ZFPM2: variants seen among roughly 807,000 people sequenced by gnomAD.
ZFPM2 encodes zinc finger protein ZFPM2.
Under a neutral mutation model 98.6 loss-of-function variants are expected in ZFPM2, and 20 were observed. The observed-to-expected ratio is 0.20, with a 90% CI of 0.14 to 0.29. The LOEUF is 0.29. Ranked by LOEUF, ZFPM2 falls within the 10% of genes least tolerant of loss-of-function variation. The pLI, the probability that ZFPM2 is intolerant of heterozygous loss-of-function variation, is 1.00. For synonymous variants in ZFPM2, 518 were observed against 502.7 expected, an observed-to-expected ratio of 1.03 and a Z score of -0.41; for missense variants, 1,310 against 1,388.6, an observed-to-expected ratio of 0.94 and a Z score of 0.90.
intron 3 of ZFPM2, among the ~76,000 whole-genome samples, chr8:105,465,771 G>A (rs1370877539): frequency 1.3e-5 from 2 of 151,942 alleles, no homozygotes; most frequent in African/African-American, 2.4e-5. Flanking sequence ...GATTTAAGAT[G>A]TATGGGATTA....
intron 5 of ZFPM2, among the ~76,000 whole-genome samples, chr8:105,711,087 C>G (rs1001159789): frequency 4.0e-5 from 6 of 151,830 alleles, no homozygotes; most frequent in African/African-American, 1.5e-4. Context: ...AGGTAGGTGT[C>G]AGCAAACTAT....
At chr8:105,612,912 C>T (rs867581176) in intron 4 of ZFPM2, among the ~76,000 whole-genome samples, 8 of 152,240 alleles carry the variant, frequency 5.3e-5, no homozygotes, top group South Asian at 2.1e-4. Flanking sequence ...ATTTTCCTGG[C>T]TTCTAATTCG....
chr8:105,736,979 G>T (rs547201985), intron 5 of ZFPM2, among the ~76,000 whole-genome samples: 2 of 152,020 alleles, frequency 1.3e-5, no homozygotes, highest in East Asian at 2.0e-4. Context: ...TTATTTTAAA[G>T]ATTTTTTTTC....
intron 3 of ZFPM2, among the ~76,000 whole-genome samples, chr8:105,513,018 A>G (rs2130514584): frequency 6.6e-6 from 1 of 152,238 alleles, no homozygotes; most frequent in African/African-American, 2.4e-5. Flanking sequence ...TTTAAGTGTT[A>G]ACTCTACATG....
At chr8:105,679,011 A>G (rs1466643588) in intron 5 of ZFPM2, 1 of 152,196 alleles carries the variant, frequency 6.6e-6, no homozygotes, top group Non-Finnish European at 1.5e-5. Context: ...GACCTTAAAC[A>G]AATAAAAAAC....
chr8:105,758,319 T>A (rs906382495), intron 5 of ZFPM2, among the ~76,000 whole-genome samples: 1 of 152,106 alleles, frequency 6.6e-6, no homozygotes, highest in African/African-American at 2.4e-5. Context: ...TTGGAGAATC[T>A]TGCCTATCCA....
intron 1 of ZFPM2, chr8:105,319,655 A>T (rs1811981856): frequency 6.6e-6 from 1 of 152,336 alleles, no homozygotes; most frequent in African/African-American, 2.4e-5. Context: ...TCACGCCGCC[A>T]GGACGCTCAG....
At chr8:105,534,196 C>T in intron 3 of ZFPM2, among the ~76,000 whole-genome samples, 1 of 87,062 alleles carries the variant, frequency 1.1e-5, no homozygotes, top group African/African-American at 5.1e-5. Flanking sequence ...TCCCTTCCTC[C>T]CTCCCTCCCT....
intron 3 of ZFPM2, among the ~76,000 whole-genome samples, chr8:105,533,721 C>T (rs1387157760): frequency 6.5e-5 from 7 of 108,430 alleles, no homozygotes; most frequent in Non-Finnish European, 1.4e-4. Flanking sequence ...TTACTTTCTC[C>T]CTCCCTCCCT....
intron 5 of ZFPM2, among the ~76,000 whole-genome samples, chr8:105,700,211 T>C (rs1563527217): frequency 6.6e-6 from 1 of 152,106 alleles, no homozygotes; most frequent in Non-Finnish European, 1.5e-5. Context: ...CTACAGCAGG[T>C]TGCGTGGCAA....
intron 4 of ZFPM2, among the ~76,000 whole-genome samples, chr8:105,561,957 C>T (rs1815147617): frequency 6.6e-6 from 1 of 151,906 alleles, no homozygotes; most frequent in African/African-American, 2.4e-5. Context: ...GTTCTGAGAA[C>T]AGAAAGTCTA....
intron 1 of ZFPM2, among the ~76,000 whole-genome samples, chr8:105,398,845 G>A (rs561873845): frequency 4.6e-5 from 7 of 152,252 alleles, no homozygotes; most frequent in East Asian, 3.9e-4. Flanking sequence ...TAAGATAACC[G>A]ATTTATTTGG....
chr8:105,737,467 T>A (rs1041921326), intron 5 of ZFPM2: 4 of 153,094 alleles, frequency 2.6e-5, no homozygotes, highest in African/African-American at 9.7e-5. Flanking sequence ...AAAGTGCTAT[T>A]TTCACTATGC....
At chr8:105,690,863 C>A (rs1396349019) in intron 5 of ZFPM2, 2 of 152,308 alleles carry the variant, frequency 1.3e-5, no homozygotes, top group African/African-American at 4.8e-5. Flanking sequence ...ATATCATTAA[C>A]ATTCCAACTT....
At chr8:105,793,047 A>AGTCTGT (rs201971530) in intron 6 of ZFPM2, among the ~76,000 whole-genome samples, 13,886 of 152,048 alleles carry the variant, frequency 0.091, 2,087 homozygotes, top group African/African-American at 0.31. Flanking sequence ...CCAATTTGCC[A>AGTCTGT]GTCTGTGTCT....
Position 105,539,586 on chromosome 8 carries a change from T to C in ZFPM2, c.302-21777T>C, listed in dbSNP as rs542567320. Among the ~76,000 whole-genome samples, 4 of 152,306 alleles carry C rather than the reference T, an allele frequency of 2.6e-5. No individual in the cohort carries two copies. The South Asian group carries it at 8.3e-4, about 32-fold the overall frequency. On this transcript the variant is annotated intron_variant, in intron 3 of 7. Transcript: ENST00000407775. ...CAATTTTTATGTAGCGTCGTGACTA[T>C]GATAGATAGTAAAGAAACCAATAAA...
chr8:105,459,895 C>G (rs1294233785), intron 3 of ZFPM2, among the ~76,000 whole-genome samples: 1 of 152,092 alleles, frequency 6.6e-6, no homozygotes, highest in Non-Finnish European at 1.5e-5. Flanking sequence ...TAACCAAAGT[C>G]TGCTGTCAGG....
At chr8:105,553,424 AT>A (rs1563716099) in intron 3 of ZFPM2, among the ~76,000 whole-genome samples, 1 of 152,182 alleles carries the variant, frequency 6.6e-6, no homozygotes, top group Non-Finnish European at 1.5e-5. Context: ...CAAAGAGAGC[AT>A]TTTGCATTCT....
In ZFPM2 at chr8:105,677,898, T is replaced by G. The variant is rs893617709; in HGVS notation, c.532+43541T>G. On this transcript the variant is annotated intron_variant, in intron 5 of 7. Transcript: ENST00000407775. ...GAGGTATTTTCTTTTTGTTGAAGAC[T>G]GTAATAGATGGCTCTGTAATATCCT... is the stretch of plus-strand genomic sequence containing the variant. 7.2e-5 allele frequency among the ~76,000 whole-genome samples: 11 copies of G among 152,326 alleles called. 1 individual carries two copies. The Middle Eastern group carries it at 0.01, about 141-fold the overall frequency.
Sources: gnomAD v4.1 joint callset for allele counts (sites outside exome capture counted in the v4.1 genomes callset) on GRCh38, gnomAD v4.1.1 for gene constraint, MANE v1.5 for transcripts, NCBI Gene and HGNC (gene_info 2026-07-23, HGNC 2026-07-21) for gene names.